Variants in SSBP2 observed in about 807,000 individuals in gnomAD.
SSBP2 encodes single stranded DNA binding protein 2.
SSBP2 carries 17 observed loss-of-function variants against 61.8 expected under a neutral mutation model. That is an observed-to-expected ratio of 0.28 (90% CI 0.19 to 0.41). The LOEUF is 0.41. SSBP2 is among the 10% of genes least tolerant of loss of function. SSBP2 has a pLI of 1.00. For missense variants in SSBP2, 310 were observed against 458.7 expected (o/e 0.68, Z 2.96); for synonymous variants, 139 against 141.3 (o/e 0.98, Z 0.12).
intron 4 of SSBP2, among the ~76,000 whole-genome samples, chr5:81,563,068 A>G (rs1561543181): frequency 6.6e-6 from 1 of 152,198 alleles, no homozygotes; most frequent in Non-Finnish European, 1.5e-5. Context: ...TAGAATAGCC[A>G]AACTAATTTT....
At chr5:81,427,836 A>G (rs1041771113) in intron 16 of SSBP2, among the ~76,000 whole-genome samples, 2 of 152,194 alleles carry the variant, frequency 1.3e-5, no homozygotes, top group African/African-American at 4.8e-5. Context: ...ACTCCTGGAA[A>G]TTCTGATTCA....
At chr5:81,625,821 A>G (rs1412995869) in intron 3 of SSBP2, among the ~76,000 whole-genome samples, 1 of 152,248 alleles carries the variant, frequency 6.6e-6, no homozygotes, top group East Asian at 1.9e-4. Context: ...TGTGTCCCAG[A>G]AGATGGAATG....
At chr5:81,511,695 C>G (rs2154081698) in intron 5 of SSBP2, among the ~76,000 whole-genome samples, 1 of 152,300 alleles carries the variant, frequency 6.6e-6, no homozygotes, top group East Asian at 1.9e-4. Flanking sequence ...TCCAGGTCAT[C>G]ACAGAACTTT....
intron 2 of SSBP2, among the ~76,000 whole-genome samples, chr5:81,643,183 G>C (rs1748946290): frequency 6.6e-6 from 1 of 152,162 alleles, no homozygotes; most frequent in South Asian, 2.1e-4. Context: ...GCACGATTCT[G>C]GATGCCGGCA....
chr5:81,664,199 T>A (rs977624069), intron 1 of SSBP2, among the ~76,000 whole-genome samples: 1 of 151,606 alleles, frequency 6.6e-6, no homozygotes, highest in Admixed American at 6.6e-5. Flanking sequence ...CTCTGCTCAC[T>A]GCAACCTCTG....
At chr5:81,631,530 C>G (rs900953583) in intron 3 of SSBP2, among the ~76,000 whole-genome samples, 1 of 150,816 alleles carries the variant, frequency 6.6e-6, no homozygotes, top group Non-Finnish European at 1.5e-5. Context: ...CATGGACTAC[C>G]AATTGCTGCT....
intron 3 of SSBP2, among the ~76,000 whole-genome samples, chr5:81,629,265 G>A (rs532489613): frequency 1.5e-4 from 23 of 152,250 alleles, no homozygotes; most frequent in Admixed American, 2.6e-4. Context: ...AATTACAGGC[G>A]TGAGCCACCA....
At chr5:81,556,003 G>A (rs1314661974) in intron 4 of SSBP2, among the ~76,000 whole-genome samples, 1 of 152,052 alleles carries the variant, frequency 6.6e-6, no homozygotes, top group Non-Finnish European at 1.5e-5. Context: ...TGATATTCTA[G>A]TGCAAAAGCA....
At chr5:81,501,570 T>TC (rs923083619) in intron 5 of SSBP2, among the ~76,000 whole-genome samples, 1 of 143,284 alleles carries the variant, frequency 7.0e-6, no homozygotes, top group Non-Finnish European at 1.5e-5. Context: ...TTTCTTTTTT[T>TC]TTTTTTTTTT....
At chr5:81,710,824 G>A in intron 1 of SSBP2, 1 of 376,096 alleles carries the variant, frequency 2.7e-6, no homozygotes, top group Non-Finnish European at 5.3e-6. Flanking sequence ...AAATTGGCAG[G>A]AAGGAAAGAA....
intron 1 of SSBP2, among the ~76,000 whole-genome samples, chr5:81,695,778 T>C (rs1753559684): frequency 6.6e-6 from 1 of 152,158 alleles, no homozygotes; most frequent in Non-Finnish European, 1.5e-5. Flanking sequence ...TTTGACTAAA[T>C]GAGGTTTAAT....
chr5:81,449,141 G>A (rs937053870), intron 10 of SSBP2, among the ~76,000 whole-genome samples: 11 of 152,066 alleles, frequency 7.2e-5, no homozygotes, highest in African/African-American at 2.7e-4. Flanking sequence ...ATATATTTGT[G>A]TATCTAAAAA....
intron 4 of SSBP2, among the ~76,000 whole-genome samples, chr5:81,608,167 C>T (rs1193631327): frequency 1.3e-5 from 2 of 152,142 alleles, no homozygotes; most frequent in Non-Finnish European, 2.9e-5. Context: ...TCCCTAATTT[C>T]AGATTTCTGC....
At chr5:81,746,894 G>C (rs1452036562) in intron 1 of SSBP2, among the ~76,000 whole-genome samples, 3 of 151,904 alleles carry the variant, frequency 2.0e-5, no homozygotes, top group Non-Finnish European at 4.4e-5. Context: ...TCATCTATTT[G>C]CAGGTGCCAG....
chr5:81,443,004 G>A (rs759179766), intron 12 of SSBP2: 2 of 213,490 alleles, frequency 9.4e-6, no homozygotes, highest in African/African-American at 4.6e-5. Flanking sequence ...TTTTAAAAAA[G>A]ATACTTTTTT....
chr5:81,685,302 A>G (rs1399632303), intron 1 of SSBP2, among the ~76,000 whole-genome samples: 1 of 152,210 alleles, frequency 6.6e-6, no homozygotes, highest in East Asian at 1.9e-4. Context: ...TACAATGGTT[A>G]ATATATAGGA....
chr5:81,585,032 A>T (rs949158058), intron 4 of SSBP2, among the ~76,000 whole-genome samples: 1 of 152,180 alleles, frequency 6.6e-6, no homozygotes, highest in Non-Finnish European at 1.5e-5. Context: ...ATTACATAAG[A>T]AAAGTAGGTC....
At chr5:81,688,162 A>C (rs1288649598) in intron 1 of SSBP2, among the ~76,000 whole-genome samples, 1 of 152,112 alleles carries the variant, frequency 6.6e-6, no homozygotes, top group African/African-American at 2.4e-5. Context: ...GGCCTGGGGT[A>C]ATAGGAGCCA....
chr5:81,569,307 T>C (rs1468728782), intron 4 of SSBP2, among the ~76,000 whole-genome samples: 4 of 152,142 alleles, frequency 2.6e-5, no homozygotes, highest in African/African-American at 7.2e-5. Context: ...TGCTGACCCT[T>C]TACACCATGA....
Sources: gnomAD v4.1 joint callset for allele counts (sites outside exome capture counted in the v4.1 genomes callset) on GRCh38, gnomAD v4.1.1 for gene constraint, MANE v1.5 for transcripts, NCBI Gene and HGNC (gene_info 2026-07-23, HGNC 2026-07-21) for gene names.